Variants in DCTD observed in about 807,000 individuals in gnomAD.
The protein encoded by DCTD is dCMP deaminase.
In DCTD, 23 loss-of-function variants were observed where a neutral mutation model predicts 21.0. The ratio of observed to expected loss-of-function variants is 1.09; its 90% CI spans 0.79 to 1.55. DCTD has a LOEUF of 1.55. Among genes scored for constraint, DCTD ranks in the 40% most tolerant of loss-of-function variants. The pLI is 0.00. For missense variants in DCTD, 224 were observed against 230.0 expected (o/e 0.97, Z 0.17); for synonymous variants, 71 against 81.1 (o/e 0.88, Z 0.67).
chr4:182,892,971 T>C (rs1471908311), intron 5 of DCTD, 60 bp downstream of exon 5: 8 of 1,017,736 alleles, frequency 7.9e-6, no homozygotes, highest in South Asian at 1.3e-5. Context: ...CAAGGTCAAA[T>C]ACATCTCTTC....
At position 182,915,452 on chromosome 4, in the gene DCTD, T is replaced by A. The variant is rs776465430; in HGVS notation, c.108+9A>T. ...AGTATCTAAGCATTCTCCCGTGAAA[T>A]TCATTTACCTGGGAATTTGGATCTT... On this transcript the variant is annotated intron_variant, in intron 2 of 5. Coordinates refer to ENST00000438320, the MANE Select transcript of DCTD (RefSeq NM_001921.3). 2 of 1,557,700 alleles carry A rather than the reference T, an allele frequency of 1.3e-6. No homozygotes were observed. The highest frequency in any genetic ancestry group is 3.3e-5 in the Admixed American group (2 of 59,964).
intron 1 of DCTD, chr4:182,916,313 A>AGGGAGAGCCCACGAAGG (rs573528221): frequency 7.9e-4 from 719 of 905,112 alleles, no homozygotes; most frequent in Non-Finnish European, 6.1e-4. Context: ...TGTCTACGGC[A>AGGGAGAGCCCACGAAGG]GGGAGAGCCC....
intron 3 of DCTD, among the ~76,000 whole-genome samples, chr4:182,900,860 T>G (rs35582993): frequency 0.014 from 26 of 1,882 alleles, no homozygotes; most frequent in East Asian, 0.016. Context: ...ATGCTTTGGT[T>G]TTTTTTTTTT....
rs1216280738 is a variant in DCTD at position 182,908,703 on chromosome 4, A to AAAG, written c.244+6217_244+6219dup. On this transcript the variant is annotated intron_variant, in intron 3 of 5. Transcript: ENST00000438320. ...GTCTCAAAAAAAAAAAAAAAAAAAAAAAGAAGAAGAAGAAGAAGAAGAAAT... is the reference window on the plus strand; with the variant it reads ...GTCTCAAAAAAAAAAAAAAAAAAAAAAAGAAGAAGAAGAAGAAGAAGAAGAAAT... Among the ~76,000 whole-genome samples, 314 of 134,828 alleles carry AAAG rather than the reference A, an allele frequency of 2.3e-3. 1 individual carries two copies. Among genetic ancestry groups the AAAG allele is most frequent in the East Asian group, 0.01 (45 of 4,342 alleles). The allele number at this position is 134,828 out of a possible 152,430, so 88.5% of individuals were successfully genotyped here.
At chr4:182,905,182 G>C (rs2709338) in intron 3 of DCTD, among the ~76,000 whole-genome samples, 66,763 of 151,844 alleles carry the variant, frequency 0.44, 15,300 homozygotes, top group African/African-American at 0.56. Flanking sequence ...AATGTGGCTT[G>C]CAACCCTATT....
chr4:182,917,437 CGTTCGCAGGACGGCGGCTGGCCCCGGGG>C, upstream of DCTD: 1 of 841,942 alleles, frequency 1.2e-6, no homozygotes, highest in Non-Finnish European at 1.4e-6. This position sits in a 1 kb window ranked among gnomAD's most constrained non-coding sequence, Gnocchi z 4.9. Context: ...GGGCGCCGCG[CGTTCGCAGGACGGCGGCTGGCCCCGGGG>C]GCCCGAAGCC....
chr4:182,894,436 C>T (rs1005167960), intron 4 of DCTD, 53 bp downstream of exon 4: 5 of 1,057,474 alleles, frequency 4.7e-6, no homozygotes, highest in South Asian at 3.8e-5. Flanking sequence ...CAATGAGCTA[C>T]TGACGAGCAG....
Position 182,915,479 on chromosome 4 carries a change from GCTT to G in DCTD, c.87_89del (p.Arg29del). On this transcript the variant is annotated inframe_deletion, in exon 2 of 6. Transcript: ENST00000438320. ...CATTTACCTGGGAATTTGGATCTTT[GCTT>G]CTCTGTGCTGATAAGAAGGCCACAG... The G allele has an allele frequency of 6.2e-7, 1 of 1,608,782 alleles. No individual in the cohort carries two copies. Among genetic ancestry groups the G allele is most frequent in the Non-Finnish European group, 8.5e-7 (1 of 1,175,138 alleles).
chr4:182,912,283 C>A (rs1370350916), intron 3 of DCTD, among the ~76,000 whole-genome samples: 1 of 152,144 alleles, frequency 6.6e-6, no homozygotes, highest in Non-Finnish European at 1.5e-5. Context: ...AGTTTATACA[C>A]AGTCATCGTC....
intron 3 of DCTD, among the ~76,000 whole-genome samples, chr4:182,900,698 G>T (rs191095314): frequency 3.3e-5 from 5 of 152,080 alleles, no homozygotes; most frequent in African/African-American, 1.2e-4. Context: ...ATATATATTT[G>T]ATAAGCACAA....
chr4:182,896,268 G>C (rs1734716890), intron 3 of DCTD, among the ~76,000 whole-genome samples: 2 of 152,236 alleles, frequency 1.3e-5, no homozygotes, highest in Admixed American at 1.3e-4. Flanking sequence ...CTCGTGTTCG[G>C]GTGCAGCTGC....
chr4:182,898,424 A>G (rs1439958675), intron 3 of DCTD, among the ~76,000 whole-genome samples: 1 of 152,244 alleles, frequency 6.6e-6, no homozygotes, highest in Non-Finnish European at 1.5e-5. Context: ...TGGATCTGAG[A>G]AAGTGCATTT....
chr4:182,915,382 T>G, intron 2 of DCTD, 79 bp downstream of exon 2: 3 of 992,680 alleles, frequency 3.0e-6, no homozygotes, highest in Non-Finnish European at 4.9e-6. Context: ...AGGCGTCCAC[T>G]GAGTCTCCCC....
intron 3 of DCTD, among the ~76,000 whole-genome samples, chr4:182,901,960 C>G (rs998546650): frequency 6.6e-6 from 1 of 152,082 alleles, no homozygotes; most frequent in Non-Finnish European, 1.5e-5. Flanking sequence ...CTGCCCCGGC[C>G]CCCACTGCCC....
Position 182,893,111 on chromosome 4 carries a change from A to G in DCTD, c.378T>C (p.Ile126=). Residue 126 remains isoleucine (I), a synonymous_variant, in exon 5 of 6, where the codon ATT becomes ATC. Transcript: ENST00000438320. ...LIIQAGIKEV[I]FMSDKYHDSD... is the part of the protein sequence containing the mutation. Reference sequence around the variant, plus strand: ...TATCATGGTATTTATCAGACATGAAAATCACTTCTTTTATACCTGTAAGGT... The same window carrying G: ...TATCATGGTATTTATCAGACATGAAGATCACTTCTTTTATACCTGTAAGGT... The G allele has an allele frequency of 6.2e-7, 1 of 1,607,740 alleles. No homozygotes were observed.
intron 3 of DCTD, among the ~76,000 whole-genome samples, chr4:182,909,448 C>T (rs539098035): frequency 6.6e-6 from 1 of 152,234 alleles, no homozygotes; most frequent in Non-Finnish European, 1.5e-5. Flanking sequence ...TAGTTTTGTA[C>T]AAAAGTCCCT....
At chr4:182,909,191 T>C (rs1239436936) in intron 3 of DCTD, among the ~76,000 whole-genome samples, 1 of 152,190 alleles carries the variant, frequency 6.6e-6, no homozygotes, top group East Asian at 1.9e-4. Context: ...TAAATTATAT[T>C]AAAATATCAT....
Position 182,891,423 on chromosome 4 carries a change from G to A in DCTD, c.513C>T (p.Ser171=). The A allele has an allele frequency of 1.9e-6, 3 of 1,611,588 alleles. No homozygotes were observed. Among genetic ancestry groups the A allele is most frequent in the Non-Finnish European group, 2.5e-6 (3 of 1,177,742 alleles). The part of the protein sequence containing the change: ...KIVIDFDSIN[S]RPSQKLQ ...CTCACTGAAGCTTTTGACTCGGTCT[G>A]CTGTTAATTGAATCAAAGTCAATGA... Residue 171 remains serine (S), a synonymous_variant, in exon 6 of 6, where the codon AGC becomes AGT. Coordinates refer to ENST00000438320, the MANE Select transcript of DCTD (RefSeq NM_001921.3).
intron 5 of DCTD, among the ~76,000 whole-genome samples, chr4:182,892,203 G>A (rs1351261131): frequency 1.3e-5 from 2 of 152,156 alleles, no homozygotes; most frequent in Non-Finnish European, 2.9e-5. Flanking sequence ...TGGTCCCACT[G>A]CTGCTGAACG....
Sources: gnomAD v4.1 joint callset for allele counts (sites outside exome capture counted in the v4.1 genomes callset) on GRCh38, gnomAD v4.1.1 for gene constraint, Gnocchi (gnomAD v3.1) non-coding constraint, MANE v1.5 for transcripts, NCBI Gene and HGNC (gene_info 2026-07-23, HGNC 2026-07-21) for gene names.